Variants in TMOD1 observed in about 807,000 individuals in gnomAD.
TMOD1 encodes the protein tropomodulin-1.
Under a neutral mutation model 40.6 loss-of-function variants are expected in TMOD1, and 17 were observed. The observed-to-expected ratio is 0.42, with a 90% CI of 0.29 to 0.63. The LOEUF is 0.63. Ranked by LOEUF, TMOD1 falls within the 20% of genes least tolerant of loss-of-function variation. TMOD1 has a pLI of 0.22. For missense variants in TMOD1, 391 were observed against 447.6 expected, an observed-to-expected ratio of 0.87 and a Z score of 1.14; for synonymous variants, 181 against 175.0, an observed-to-expected ratio of 1.03 and a Z score of -0.27.
At chr9:97,572,748 CCTT>C (rs1426434070) in intron 8 of TMOD1, among the ~76,000 whole-genome samples, 11 of 152,192 alleles carry the variant, frequency 7.2e-5, no homozygotes, top group African/African-American at 2.7e-4. Flanking sequence ...AAGTCTCTGT[CCTT>C]CTTTCTCCTT....
intron 8 of TMOD1, among the ~76,000 whole-genome samples, chr9:97,574,296 C>T (rs2131274590): frequency 6.6e-6 from 1 of 152,078 alleles, no homozygotes; most frequent in Non-Finnish European, 1.5e-5. Context: ...GTGCTCTCGG[C>T]GGGCCCCGCA....
chr9:97,530,198 G>A (rs1830077103), intron 2 of TMOD1, among the ~76,000 whole-genome samples: 1 of 152,184 alleles, frequency 6.6e-6, no homozygotes, highest in African/African-American at 2.4e-5. Context: ...AATCTTTCAA[G>A]AAAAGAAGAA....
intron 4 of TMOD1, among the ~76,000 whole-genome samples, chr9:97,560,597 T>C (rs562911594): frequency 6.6e-6 from 1 of 151,782 alleles, no homozygotes; most frequent in East Asian, 1.9e-4. Flanking sequence ...CCTGGCCAAG[T>C]TGGTGAAACC....
chr9:97,579,089 G>A (rs540676771), intron 8 of TMOD1, among the ~76,000 whole-genome samples: 8 of 152,254 alleles, frequency 5.3e-5, no homozygotes, highest in Non-Finnish European at 8.8e-5. Context: ...CAGAGGGGCC[G>A]GTGGAATTTC....
intron 1 of TMOD1, among the ~76,000 whole-genome samples, chr9:97,517,490 G>A (rs1241659681): frequency 6.6e-6 from 1 of 152,156 alleles, no homozygotes; most frequent in Non-Finnish European, 1.5e-5. Flanking sequence ...CCAGGGGAGG[G>A]TGGTGGTGCC....
chr9:97,514,492 A>C (rs1289103241), intron 1 of TMOD1, among the ~76,000 whole-genome samples: 1 of 152,114 alleles, frequency 6.6e-6, no homozygotes, highest in Non-Finnish European at 1.5e-5. Flanking sequence ...CAGGGCTCAG[A>C]ACCTCAGCTT....
At chr9:97,535,625 A>G (rs530216502) in intron 2 of TMOD1, among the ~76,000 whole-genome samples, 24 of 152,362 alleles carry the variant, frequency 1.6e-4, no homozygotes, top group Admixed American at 3.3e-4. Context: ...CACAACAGGA[A>G]CATGGAACAT....
At chr9:97,548,143 T>G (rs1830393582) in intron 3 of TMOD1, among the ~76,000 whole-genome samples, 1 of 152,230 alleles carries the variant, frequency 6.6e-6, no homozygotes, top group Admixed American at 6.5e-5. Context: ...TAATTGTTTC[T>G]TTTCAGTCTC....
At chr9:97,568,396 G>C (rs1005181188) in intron 7 of TMOD1, among the ~76,000 whole-genome samples, 18 of 152,330 alleles carry the variant, frequency 1.2e-4, no homozygotes, top group Non-Finnish European at 7.4e-5. Flanking sequence ...AATGAGGGAA[G>C]TATGGCTCCA....
chr9:97,560,393 G>A (rs1174588889), intron 4 of TMOD1, among the ~76,000 whole-genome samples: 2 of 152,100 alleles, frequency 1.3e-5, no homozygotes, highest in Non-Finnish European at 2.9e-5. Flanking sequence ...TAGGGCCATA[G>A]AGTTGTTAGA....
chr9:97,556,769 G>A (rs1162072565), intron 4 of TMOD1, among the ~76,000 whole-genome samples: 4 of 152,242 alleles, frequency 2.6e-5, no homozygotes, highest in Non-Finnish European at 5.9e-5. Context: ...AGGCACTTGG[G>A]GTAGGGCTGG....
At position 97,568,979 on chromosome 9, in the gene TMOD1, G is replaced by A. The variant is rs1169375821; in HGVS notation, c.812G>A (p.Arg271His). Residue 271 changes from arginine (R) to histidine (H), a missense_variant, in exon 8 of 10, where the codon CGC (arginine) becomes CAC (histidine). Transcript: ENST00000259365. ...TTCATTTCTGGAGCTGGGATTCTGC[G>A]CCTGGTAGAAGCCCTCCCATACAAC... is the stretch of plus-strand genomic sequence containing the variant. ...SNFISGAGIL[R>H]LVEALPYNTS... 19 of 1,614,062 alleles carry A rather than the reference G, an allele frequency of 1.2e-5. No individual in the cohort carries two copies. Among genetic ancestry groups the A allele is most frequent in the Non-Finnish European group, 1.6e-5 (19 of 1,180,042 alleles).
At chr9:97,547,940 G>A (rs1456418355) in intron 3 of TMOD1, among the ~76,000 whole-genome samples, 2 of 152,168 alleles carry the variant, frequency 1.3e-5, no homozygotes, top group Non-Finnish European at 1.5e-5. Context: ...ATGAATGGAT[G>A]AGCTAAAATT....
rs1826226650 is a variant in TMOD1, at chr9:97,600,316, A to AC, written c.*618_*619insC. The AC allele has an allele frequency of 1.0e-6, 1 of 986,066 alleles. No individual in the cohort carries two copies. The highest frequency in any genetic ancestry group is 1.7e-5 in the African/African-American group (1 of 57,242). 61.1% of individuals were successfully genotyped at this position (986,066 alleles called of 1,614,324 possible). A position where few individuals can be genotyped will look rare whatever the true frequency, so the allele number is the denominator to read the frequency against. ...TCCTTTTGCTGGATATGCAGAAATG[A>AC]TAGGAAAAAAACCAATGGTGAAATT... is the stretch of plus-strand genomic sequence containing the variant. On this transcript the variant is annotated 3_prime_UTR_variant, in exon 10 of 10. Transcript: ENST00000259365.
At chr9:97,574,146 T>C (rs1398905079) in intron 8 of TMOD1, among the ~76,000 whole-genome samples, 2 of 152,136 alleles carry the variant, frequency 1.3e-5, no homozygotes, top group Non-Finnish European at 2.9e-5. Flanking sequence ...AGCCCGCCGC[T>C]GCACTGTGGG....
At chr9:97,525,249 A>T (rs1028507738) in intron 2 of TMOD1, among the ~76,000 whole-genome samples, 104 of 152,196 alleles carry the variant, frequency 6.8e-4, no homozygotes, top group African/African-American at 2.3e-3. Flanking sequence ...AAAATTAATG[A>T]TACTTAAATC....
chr9:97,565,790 C>G, intron 6 of TMOD1, 58 bp from the exon 7 acceptor site: 1 of 1,405,880 alleles, frequency 7.1e-7, no homozygotes, highest in South Asian at 1.2e-5. Flanking sequence ...ATCCACCTGC[C>G]TCAGCCTGTC....
chr9:97,549,961 C>A (rs1830422761), intron 3 of TMOD1, among the ~76,000 whole-genome samples: 1 of 152,166 alleles, frequency 6.6e-6, no homozygotes, highest in Non-Finnish European at 1.5e-5. Flanking sequence ...CAATCCACAA[C>A]ATTGTGCAAC....
chr9:97,580,067 C>A lies in TMOD1; in HGVS notation c.870+11030C>A, dbSNP rs150013507. On this transcript the variant is annotated intron_variant, in intron 8 of 9. Transcript: ENST00000259365. Reference sequence around the variant, plus strand: ...AGGAAAGCAAAGAGTCATTTGTGAGCCTTGAGTACCAGGCTGAGGAGATGG... The same window carrying A: ...AGGAAAGCAAAGAGTCATTTGTGAGACTTGAGTACCAGGCTGAGGAGATGG... 7.4e-4 allele frequency among the ~76,000 whole-genome samples: 113 copies of A among 152,142 alleles called. 2 individuals carry two copies. Among genetic ancestry groups the A allele is most frequent in the African/African-American group, 2.6e-3 (106 of 41,498 alleles).
Sources: gnomAD v4.1 joint callset for allele counts (sites outside exome capture counted in the v4.1 genomes callset) on GRCh38, gnomAD v4.1.1 for gene constraint, MANE v1.5 for transcripts, NCBI Gene and HGNC (gene_info 2026-07-23, HGNC 2026-07-21) for gene names.